The following SLCO5A1 variants were observed in gnomAD, a reference collection of about 807,000 sequenced individuals.
SLCO5A1 encodes the protein solute carrier organic anion transporter family member 5A1.
Under a neutral mutation model 65.1 loss-of-function variants are expected in SLCO5A1, and 39 were observed. That is an observed-to-expected ratio of 0.60 (90% confidence interval 0.46 to 0.78). The LOEUF (loss-of-function observed/expected upper bound fraction) is 0.78, where lower values mean the gene tolerates loss of function less well. Among genes scored for constraint, SLCO5A1 ranks in the 30% least tolerant of loss-of-function variants. SLCO5A1 has a pLI of 0.00. For synonymous variants in SLCO5A1, 438 were observed against 415.7 expected, an observed-to-expected ratio of 1.05 and a Z score of -0.65; for missense variants, 1,029 against 1,069.4, an observed-to-expected ratio of 0.96 and a Z score of 0.53.
chr8:69,724,809 C>T (rs912823523), intron 5 of SLCO5A1, among the ~76,000 whole-genome samples: 5 of 152,110 alleles, frequency 3.3e-5, no homozygotes, highest in African/African-American at 9.7e-5. Context: ...AATAAGAGGC[C>T]GCAGCAGGAG....
intron 4 of SLCO5A1, among the ~76,000 whole-genome samples, chr8:69,743,258 G>A (rs748206054): frequency 2.0e-5 from 3 of 152,194 alleles, no homozygotes; most frequent in Non-Finnish European, 2.9e-5. Context: ...TTGACCATTA[G>A]CCAAGTGGGT....
chr8:69,726,939 T>A (rs761635804), intron 5 of SLCO5A1, among the ~76,000 whole-genome samples: 2 of 152,222 alleles, frequency 1.3e-5, no homozygotes, highest in Non-Finnish European at 2.9e-5. Flanking sequence ...CTGGAAGATC[T>A]CATTTATTAC....
chr8:69,826,574 CAAT>C (rs1376869140), intron 2 of SLCO5A1, among the ~76,000 whole-genome samples: 1 of 152,040 alleles, frequency 6.6e-6, no homozygotes, highest in Non-Finnish European at 1.5e-5. Context: ...ATCAAAACCA[CAAT>C]GAGATACCAT....
At chr8:69,795,378 T>C (rs1205261701) in intron 2 of SLCO5A1, among the ~76,000 whole-genome samples, 1 of 152,174 alleles carries the variant, frequency 6.6e-6, no homozygotes, top group African/African-American at 2.4e-5. Context: ...AATACTCCCA[T>C]TCCAAAAGAG....
intron 6 of SLCO5A1, among the ~76,000 whole-genome samples, chr8:69,698,069 G>A (rs965194337): frequency 1.3e-5 from 2 of 152,078 alleles, no homozygotes; most frequent in African/African-American, 4.8e-5. Flanking sequence ...GTGTCCATGT[G>A]TACTCAGTGT....
chr8:69,675,191 T>TC (rs1813499127), intron 9 of SLCO5A1, among the ~76,000 whole-genome samples: 1 of 150,492 alleles, frequency 6.6e-6, no homozygotes. Context: ...TTTTTTTTTT[T>TC]CAGACAGAGT....
At chr8:69,825,440 AC>A (rs1820835278) in intron 2 of SLCO5A1, among the ~76,000 whole-genome samples, 1 of 152,238 alleles carries the variant, frequency 6.6e-6, no homozygotes. Context: ...GTCTCAGGAT[AC>A]AAAATCAATG....
chr8:69,797,916 A>G (rs867353822), intron 2 of SLCO5A1, among the ~76,000 whole-genome samples: 6 of 152,180 alleles, frequency 3.9e-5, no homozygotes, highest in Middle Eastern at 3.4e-3. Context: ...GATCTCTGTG[A>G]CCCACACCCT....
rs1030426866 is a variant in SLCO5A1 at position 69,732,400 on chromosome 8, G to A, written c.1423+5640C>T. ...TCAAAGGGCAAGAGCCCAAGCAAAG[G>A]CAATGCTGAAAGATCACAGTGCTCT... On this transcript the variant is annotated intron_variant, in intron 5 of 9. Coordinates refer to ENST00000260126, the MANE Select transcript of SLCO5A1 (RefSeq NM_030958.3). 5.3e-5 allele frequency among the ~76,000 whole-genome samples: 8 copies of A among 152,120 alleles called. 1 individual carries two copies. The highest frequency in any genetic ancestry group is 1.0e-4 in the Non-Finnish European group (7 of 68,014).
intron 2 of SLCO5A1, among the ~76,000 whole-genome samples, chr8:69,827,313 A>C (rs1489386262): frequency 6.6e-6 from 1 of 151,942 alleles, no homozygotes; most frequent in Non-Finnish European, 1.5e-5. Flanking sequence ...TTAAAAAAAG[A>C]GAAAAAAAAA....
At chr8:69,760,580 G>A (rs764718018) in intron 3 of SLCO5A1, among the ~76,000 whole-genome samples, 153 of 152,170 alleles carry the variant, frequency 1.0e-3, no homozygotes, top group Non-Finnish European at 1.3e-3. Flanking sequence ...AAGTGAGTGA[G>A]TAATTACTTG....
chr8:69,770,762 A>G (rs1818287955), intron 2 of SLCO5A1, among the ~76,000 whole-genome samples: 1 of 152,102 alleles, frequency 6.6e-6, no homozygotes, highest in Admixed American at 6.5e-5. Context: ...TGCCCCCGCC[A>G]GTGTTTCCTG....
intron 2 of SLCO5A1, among the ~76,000 whole-genome samples, chr8:69,828,782 A>T (rs1419715847): frequency 6.6e-6 from 1 of 152,198 alleles, no homozygotes; most frequent in Non-Finnish European, 1.5e-5. Flanking sequence ...AAACTAGCAG[A>T]GTACCTAGCA....
intron 2 of SLCO5A1, among the ~76,000 whole-genome samples, chr8:69,804,711 T>C (rs1442275920): frequency 1.3e-5 from 2 of 152,176 alleles, no homozygotes; most frequent in Admixed American, 6.5e-5. Flanking sequence ...AAAGGGAAGG[T>C]GATTGGTAAT....
chr8:69,766,830 G>A (rs934311622), intron 2 of SLCO5A1, among the ~76,000 whole-genome samples: 1 of 152,140 alleles, frequency 6.6e-6, no homozygotes, highest in Admixed American at 6.6e-5. Context: ...GGTGCTCACT[G>A]CTATGTCCCC....
chr8:69,676,757 G>GC (rs1485265624), intron 8 of SLCO5A1, 84 bp from the exon 9 acceptor site: 1 of 1,170,280 alleles, frequency 8.5e-7, no homozygotes, highest in Non-Finnish European at 1.2e-6. Flanking sequence ...TTTGTGCAGA[G>GC]CCAGGGACTA....
In SLCO5A1 at chr8:69,761,753, T is replaced by A; in HGVS notation, c.1030A>T (p.Ile344Phe). 1 of 1,613,230 alleles carries A rather than the reference T, an allele frequency of 6.2e-7. No homozygotes were observed. Among genetic ancestry groups the A allele is most frequent in the African/African-American group, 1.3e-5 (1 of 75,004 alleles). Residue 344 changes from isoleucine (I) to phenylalanine (F), a missense_variant, in exon 3 of 10, where the codon ATT becomes TTT. Around this residue, in one of 3 missense-constraint regions of SLCO5A1, gnomAD observed 647 missense variants for 647.5 expected, o/e 1.00. Coordinates refer to ENST00000260126, the MANE Select transcript of SLCO5A1 (RefSeq NM_030958.3). ...GAAAACAGAACTTACCAGTTTCCAA[T>A]GAAACGAGGGTCATTCTGGTCAAGG... ...VHLDQNDPRF[I>F]GNWWSGFLLC...
At chr8:69,774,959 C>T (rs1168992529) in intron 2 of SLCO5A1, among the ~76,000 whole-genome samples, 2 of 152,220 alleles carry the variant, frequency 1.3e-5, no homozygotes, top group African/African-American at 4.8e-5. Flanking sequence ...CAACTCATTC[C>T]TTCCACTCAC....
intron 5 of SLCO5A1, among the ~76,000 whole-genome samples, chr8:69,737,157 C>T (rs1003416157): frequency 2.0e-5 from 3 of 152,040 alleles, no homozygotes; most frequent in African/African-American, 7.2e-5. Flanking sequence ...AAGTGATTAC[C>T]CAGATATTTC....
Sources: allele counts gnomAD v4.1 joint callset (sites outside exome capture counted in the v4.1 genomes callset), GRCh38; gene constraint gnomAD v4.1.1; regional missense constraint gnomAD v4.1.1; transcripts MANE v1.5; gene names NCBI Gene and HGNC (gene_info 2026-07-23, HGNC 2026-07-21).